The following AZIN2 variants were observed in gnomAD, a reference collection of about 807,000 sequenced individuals.
AZIN2 encodes ODC antizyme inhibitor-2.
AZIN2 carries 28 observed loss-of-function variants against 47.8 expected under a neutral mutation model. That is an observed-to-expected ratio of 0.59 (90% CI 0.43 to 0.80). The LOEUF (loss-of-function observed/expected upper bound fraction) is 0.80, where lower values mean the gene tolerates loss of function less well. AZIN2 is among the 30% of genes least tolerant of loss of function. The pLI, the probability that AZIN2 is intolerant of heterozygous loss-of-function variation, is 0.00. For synonymous variants in AZIN2, 221 were observed against 239.4 expected (o/e 0.92, Z 0.71); for missense variants, 535 against 582.5 (o/e 0.92, Z 0.84).
At chr1:33,132,569 C>T in the AZIN2 span, among the ~76,000 whole-genome samples, 1 of 152,230 alleles carries the variant, frequency 6.6e-6, no homozygotes, top group Non-Finnish European at 1.5e-5. Flanking sequence ...TTCTTGGAGG[C>T]TCCCCCTAAC....
the AZIN2 span, among the ~76,000 whole-genome samples, chr1:33,140,652 G>C: frequency 7.2e-5 from 11 of 152,316 alleles, no homozygotes; most frequent in South Asian, 2.3e-3. This position sits in a 1 kb window ranked among gnomAD's most constrained non-coding sequence, Gnocchi z 4.0. Flanking sequence ...CACTTACCTG[G>C]GACTCCCTGC....
the AZIN2 span, among the ~76,000 whole-genome samples, chr1:33,153,166 C>T: frequency 1.3e-5 from 2 of 152,164 alleles, no homozygotes; most frequent in African/African-American, 4.8e-5. Context: ...CTGCTAGAAT[C>T]CATGGGCTAG....
chr1:33,129,437 G>C, the AZIN2 span, among the ~76,000 whole-genome samples: 1 of 152,102 alleles, frequency 6.6e-6, no homozygotes, highest in African/African-American at 2.4e-5. The surrounding 1 kb of genome is among the most constrained non-coding windows in gnomAD (Gnocchi z 4.1). Context: ...TGGGTCCTGT[G>C]GTTCATCTTT....
intron 6 of AZIN2, 181 bp from the exon 7 acceptor site, chr1:33,093,101 T>G: frequency 1.3e-6 from 1 of 742,266 alleles, no homozygotes; most frequent in Non-Finnish European, 2.1e-6. Flanking sequence ...GTCAGGGACA[T>G]TTAGAGAATG....
At chr1:33,165,419 A>T in the AZIN2 span, 1 of 1,491,140 alleles carries the variant, frequency 6.7e-7, no homozygotes, top group South Asian at 1.2e-5. This position sits in a 1 kb window ranked among gnomAD's most constrained non-coding sequence, Gnocchi z 4.0. Flanking sequence ...CGCCCCTCGA[A>T]GCCCTGCCCT....
At chr1:33,165,826 A>C in the AZIN2 span, 1 of 320,604 alleles carries the variant, frequency 3.1e-6, no homozygotes, top group Non-Finnish European at 5.7e-6. The surrounding 1 kb of genome is among the most constrained non-coding windows in gnomAD (Gnocchi z 4.0). Flanking sequence ...GTGACAATCG[A>C]CTTCCACATA....
the AZIN2 span, chr1:33,158,202 G>A: frequency 6.5e-7 from 1 of 1,543,782 alleles, no homozygotes; most frequent in Middle Eastern, 1.7e-4. Context: ...GGGCTGGGCT[G>A]TGCTGGGACA....
chr1:33,137,466 G>A, the AZIN2 span, among the ~76,000 whole-genome samples: 1 of 152,274 alleles, frequency 6.6e-6, no homozygotes, highest in East Asian at 1.9e-4. Context: ...AGGCGTACAG[G>A]GACTTTGAGA....
the AZIN2 span, chr1:33,146,082 G>A: frequency 2.9e-6 from 1 of 349,770 alleles, no homozygotes; most frequent in Non-Finnish European, 5.7e-6. Flanking sequence ...GATGGGGGCA[G>A]CTTTCCTGGT....
In AZIN2 at chr1:33,121,067, CCT is replaced by C. The variant is rs1313999873; in HGVS notation, c.*886_*887del. Among the ~76,000 whole-genome samples, 3 of 152,280 alleles carry C rather than the reference CCT, an allele frequency of 2.0e-5. No individual in the cohort carries two copies. Among genetic ancestry groups the C allele is most frequent in the East Asian group, 1.9e-4 (1 of 5,180 alleles). ...TCCAGTGCCGACAGCCCTGGCATCC[CCT>C]GAGACTGGCAGTGCTTATCAGGACA... On this transcript the variant is annotated 3_prime_UTR_variant, in exon 12 of 12. Coordinates refer to ENST00000294517, the MANE Select transcript of AZIN2 (RefSeq NM_052998.4).
chr1:33,109,505 T>C (rs1455213164), intron 10 of AZIN2, among the ~76,000 whole-genome samples: 1 of 151,986 alleles, frequency 6.6e-6, no homozygotes, highest in Non-Finnish European at 1.5e-5. Context: ...GTTTTTGTAT[T>C]TTTAGTAGAG....
intron 10 of AZIN2, among the ~76,000 whole-genome samples, chr1:33,107,044 T>G (rs1644038938): frequency 6.6e-6 from 1 of 152,176 alleles, no homozygotes; most frequent in Admixed American, 6.5e-5. Flanking sequence ...CCTAGCACTT[T>G]GGGAGGCCAA....
In AZIN2 at chr1:33,092,046, A is replaced by T. The variant is rs1348678555; in HGVS notation, c.280-4A>T. 6.2e-7 allele frequency: 1 copy of T among 1,613,032 alleles called. No individual in the cohort carries two copies. Among genetic ancestry groups the T allele is most frequent in the Admixed American group, 1.7e-5 (1 of 59,938 alleles). ...TCCTTACAACCACCTTTGGGGCCCC[A>T]TAGGCAGAGATGGAGTTGGTCCAGC... On this transcript the variant is annotated splice_polypyrimidine_tract_variant and splice_region_variant and intron_variant, in intron 5 of 11. Coordinates refer to ENST00000294517, the MANE Select transcript of AZIN2 (RefSeq NM_052998.4).
At chr1:33,146,233 CTTG>C in the AZIN2 span, 1 of 222,770 alleles carries the variant, frequency 4.5e-6, no homozygotes, top group Admixed American at 5.3e-5. Context: ...ACAAGTGGCT[CTTG>C]TTTTCTGCAG....
chr1:33,095,419 TCACAGTCTATTAAGTAAAACAGG>T (rs1643045444), intron 8 of AZIN2, among the ~76,000 whole-genome samples: 4 of 152,190 alleles, frequency 2.6e-5, no homozygotes, highest in Admixed American at 2.6e-4. Flanking sequence ...GGGAGGTCGT[TCACAGTCTATTAAGTAAAACAGG>T]TTCCAAAAAC....
In AZIN2 at chr1:33,081,259, GACC is replaced by G. The variant is rs1553157431; in HGVS notation, c.-440_-438del. On this transcript the variant is annotated 5_prime_UTR_variant, in exon 1 of 12. Coordinates refer to ENST00000294517, the MANE Select transcript of AZIN2 (RefSeq NM_052998.4). The surrounding 1 kb of genome is among the most constrained non-coding windows in gnomAD (Gnocchi z 4.2). ...GAGGATCCGATTCACTCCCTGGGGA[GACC>G]TATGGGCCGAAGCCGTGTAAATGCG... 6.5e-6 allele frequency: 1 copy of G among 153,056 alleles called. No homozygotes were observed. The highest frequency in any genetic ancestry group is 1.5e-5 in the Non-Finnish European group (1 of 68,348). 9.5% of individuals were successfully genotyped at this position (153,056 alleles called of 1,614,324 possible).
chr1:33,094,919 C>T lies in AZIN2; in HGVS notation c.753+206C>T, dbSNP rs571186250. ...CAGAGGTTACATTGCTTCCTGAGCC[C>T]AAAGCAGAACCTGGTTCTGCCTGCC... On this transcript the variant is annotated intron_variant, in intron 8 of 11. Coordinates refer to ENST00000294517, the MANE Select transcript of AZIN2 (RefSeq NM_052998.4). Among the ~76,000 whole-genome samples the T allele has an allele frequency of 3.3e-5, 5 of 152,254 alleles. No individual in the cohort carries two copies. In the East Asian group the frequency reaches 9.7e-4, roughly 29 times the overall value.
Position 33,121,565 on chromosome 1 carries a change from G to A in AZIN2, c.*1383G>A, listed in dbSNP as rs990245656. Among the ~76,000 whole-genome samples, 6 of 152,188 alleles carry A rather than the reference G, an allele frequency of 3.9e-5. No individual in the cohort carries two copies. The highest frequency in any genetic ancestry group is 7.2e-5 in the African/African-American group (3 of 41,452). On this transcript the variant is annotated 3_prime_UTR_variant, in exon 12 of 12. Coordinates refer to ENST00000294517, the MANE Select transcript of AZIN2 (RefSeq NM_052998.4). ...TGCACTCCAGCCTGGGCGACTGAGC[G>A]AGACCCTGCCTCAAATAAAGAAATA... is the stretch of plus-strand genomic sequence containing the variant.
chr1:33,157,755 T>G, the AZIN2 span, among the ~76,000 whole-genome samples: 1 of 152,010 alleles, frequency 6.6e-6, no homozygotes, highest in Non-Finnish European at 1.5e-5. Flanking sequence ...CATGTTTTTT[T>G]TTTTTCTTCC....
Sources: gnomAD v4.1 joint callset for allele counts (sites outside exome capture counted in the v4.1 genomes callset) on GRCh38, gnomAD v4.1.1 for gene constraint, Gnocchi (gnomAD v3.1) non-coding constraint, MANE v1.5 for transcripts, NCBI Gene and HGNC (gene_info 2026-07-23, HGNC 2026-07-21) for gene names.